SLC5A10: variants seen among roughly 807,000 people sequenced by gnomAD.
SLC5A10 encodes solute carrier family 5 member 10.
Under a neutral mutation model 68.9 loss-of-function variants are expected in SLC5A10, and 55 were observed. The observed-to-expected ratio is 0.80, with a 90% CI of 0.64 to 1.00. SLC5A10 has a LOEUF of 1.00. SLC5A10 is among the 50% of genes least tolerant of loss of function. The pLI, the probability that SLC5A10 is intolerant of heterozygous loss-of-function variation, is 0.00. For missense variants in SLC5A10, 732 were observed against 819.3 expected (o/e 0.89, Z 1.30); for synonymous variants, 344 against 344.8 (o/e 1.00, Z 0.02).
chr17:18,952,423 G>A lies in SLC5A10; in HGVS notation c.111+107G>A, dbSNP rs1214581310. On this transcript the variant is annotated intron_variant, in intron 1 of 14. Coordinates refer to ENST00000395645, the MANE Select transcript of SLC5A10 (RefSeq NM_001042450.4). ...TGTGGTGTCAGCATTGGTCCCAGCT[G>A]GTGGCCTAGTGATCCTTGTGGTCCT... The A allele has an allele frequency of 4.4e-6, 6 of 1,373,772 alleles. No individual in the cohort carries two copies. In the African/African-American group the frequency reaches 8.6e-5, roughly 20 times the overall value. The allele number at this position is 1,373,772 out of a possible 1,614,324, so 85.1% of individuals were successfully genotyped here.
chr17:19,006,475 G>T (rs1432576128), intron 9 of SLC5A10, among the ~76,000 whole-genome samples: 1 of 148,666 alleles, frequency 6.7e-6, no homozygotes. Flanking sequence ...CTGGCCTCAA[G>T]TGATTCTCCC....
At chr17:18,978,335 A>T in intron 9 of SLC5A10, 1 of 1,605,810 alleles carries the variant, frequency 6.2e-7, no homozygotes, top group Non-Finnish European at 8.5e-7. Context: ...GATGCGGTTC[A>T]TCTGGCTGGG....
chr17:19,011,311 T>G (rs1383171460), intron 9 of SLC5A10, among the ~76,000 whole-genome samples: 1 of 152,070 alleles, frequency 6.6e-6, no homozygotes, highest in Non-Finnish European at 1.5e-5. Flanking sequence ...TGGGTGGGTG[T>G]TAGACGGACA....
intron 9 of SLC5A10, among the ~76,000 whole-genome samples, chr17:18,981,781 G>T (rs1187797908): frequency 6.6e-6 from 1 of 151,788 alleles, no homozygotes; most frequent in African/African-American, 2.4e-5. Context: ...CCCCCACCCC[G>T]CAGGCTGCAG....
intron 1 of SLC5A10, among the ~76,000 whole-genome samples, chr17:18,956,986 A>G (rs1472737573): frequency 1.3e-5 from 2 of 152,014 alleles, no homozygotes; most frequent in Non-Finnish European, 2.9e-5. Context: ...CCCTCCTACT[A>G]AAAACACAAA....
At position 18,988,237 on chromosome 17, in the gene SLC5A10, G is replaced by C. The variant is rs1378871877; in HGVS notation, c.982+11248G>C. 1.9e-6 allele frequency: 3 copies of C among 1,605,014 alleles called. No homozygotes were observed. In the South Asian group the frequency reaches 3.3e-5, roughly 18 times the overall value. ...CTCCAGCCACCCAGGCAAGTGAGGA[G>C]CCTGCTCACCTTGAGGTGCCCCAGG... On this transcript the variant is annotated intron_variant, in intron 9 of 14. Transcript: ENST00000395645.
intron 1 of SLC5A10, among the ~76,000 whole-genome samples, chr17:18,955,613 T>A (rs898745609): frequency 6.6e-6 from 1 of 152,268 alleles, no homozygotes; most frequent in Non-Finnish European, 1.5e-5. Context: ...TAAACATAGA[T>A]GCTTTGGAGT....
chr17:18,960,456 G>A (rs938825283), intron 4 of SLC5A10, 92 bp from the exon 5 acceptor site: 9 of 1,076,822 alleles, frequency 8.4e-6, no homozygotes, highest in East Asian at 2.5e-5. Context: ...GCTTTGTGGC[G>A]GGGGGAGAGG....
intron 4 of SLC5A10, among the ~76,000 whole-genome samples, chr17:18,960,284 C>A (rs2042585592): frequency 6.6e-6 from 1 of 152,190 alleles, no homozygotes; most frequent in South Asian, 2.1e-4. Context: ...CCCTCCAATC[C>A]ATTCCTCGTC....
At chr17:19,019,322 C>G in intron 11 of SLC5A10, 101 bp from the exon 12 acceptor site, 2 of 1,406,892 alleles carry the variant, frequency 1.4e-6, no homozygotes, top group Non-Finnish European at 1.9e-6. Flanking sequence ...GCTGGGGTAG[C>G]AGGGGAAAGA....
At position 18,971,054 on chromosome 17, in the gene SLC5A10, T is replaced by C; in HGVS notation, c.682T>C (p.Tyr228His). The change falls in exon 8 of 15, where the codon TAC (tyrosine) becomes CAC (histidine). Residue 228 changes from tyrosine to histidine, a missense_variant. Tyr to His is a moderately conservative substitution (Grantham distance 83). Coordinates refer to ENST00000395645, the MANE Select transcript of SLC5A10 (RefSeq NM_001042450.4). The surrounding 1 kb of genome is among the most constrained non-coding windows in gnomAD (Gnocchi z 5.5). ...TGGTTACGGGCAGCTGGAGGCAGCC[T>C]ACGCCCAGGCCATTCCCTCCAGGAC... ...IGGYGQLEAAYAQAIPSRTIA... is the reference protein window; with the variant it reads ...IGGYGQLEAAHAQAIPSRTIA... The C allele has an allele frequency of 6.2e-7, 1 of 1,613,998 alleles. No individual in the cohort carries two copies. The highest frequency in any genetic ancestry group is 1.3e-5 in the African/African-American group (1 of 75,042).
At chr17:18,964,107 A>AC (rs2042665182) in intron 5 of SLC5A10, among the ~76,000 whole-genome samples, 1 of 149,752 alleles carries the variant, frequency 6.7e-6, no homozygotes, top group Non-Finnish European at 1.5e-5. Flanking sequence ...CTCCATCTTC[A>AC]CCCCCATCCC....
In SLC5A10 at chr17:18,971,512, G is replaced by C. The variant is rs1330671898; in HGVS notation, c.846+294G>C. 6 of 1,613,950 alleles carry C rather than the reference G, an allele frequency of 3.7e-6. No individual in the cohort carries two copies. The highest frequency in any genetic ancestry group is 5.1e-6 in the Non-Finnish European group (6 of 1,180,044). On this transcript the variant is annotated intron_variant, in intron 8 of 14. Transcript: ENST00000395645. The surrounding 1 kb of genome is among the most constrained non-coding windows in gnomAD (Gnocchi z 5.5). The stretch of plus-strand genomic sequence containing the variant: ...GACTCGGATGCTCCTCGGTGGCCCT[G>C]CCATCGGTCATGGGGCGGGCATTTT...
rs2043585373 is a variant in SLC5A10, at chr17:18,996,962, C to G, written c.983-16448C>G. ...GGCCCATGGCGGGTCACTTCCCACT[C>G]TAAGCCTCAGCTTCTCTTCTTGGTA... On this transcript the variant is annotated intron_variant, in intron 9 of 14. Coordinates refer to ENST00000395645, the MANE Select transcript of SLC5A10 (RefSeq NM_001042450.4). The surrounding 1 kb of genome is among the most constrained non-coding windows in gnomAD (Gnocchi z 4.4). Among the ~76,000 whole-genome samples, 2 of 152,268 alleles carry G rather than the reference C, an allele frequency of 1.3e-5. No homozygotes were observed. The highest frequency in any genetic ancestry group is 4.8e-5 in the African/African-American group (2 of 41,476).
intron 9 of SLC5A10, among the ~76,000 whole-genome samples, chr17:18,991,992 CT>C (rs1460825165): frequency 6.6e-6 from 1 of 152,150 alleles, no homozygotes; most frequent in Non-Finnish European, 1.5e-5. Flanking sequence ...GCAGGCTGCA[CT>C]GGAGGGAAAC....
rs1567782593 is a variant in SLC5A10 at position 18,968,575 on chromosome 17, T to C, written c.454-477T>C. On this transcript the variant is annotated intron_variant, in intron 5 of 14. Transcript: ENST00000395645. The surrounding 1 kb of genome is among the most constrained non-coding windows in gnomAD (Gnocchi z 4.1). The stretch of plus-strand genomic sequence containing the variant: ...CTTCAGTTCCAAACCCACTGGGGGG[T>C]GGGGGCAGGAAGCAAGGCTGCCCCT... 6.6e-6 allele frequency among the ~76,000 whole-genome samples: 1 copy of C among 151,960 alleles called. No individual in the cohort carries two copies. The highest frequency in any genetic ancestry group is 1.5e-5 in the Non-Finnish European group (1 of 67,980).
chr17:19,021,143 A>G lies in SLC5A10; in HGVS notation c.*712A>G, dbSNP rs1351438942. 6.6e-6 allele frequency: 1 copy of G among 152,128 alleles called. No homozygotes were observed. Among genetic ancestry groups the G allele is most frequent in the Non-Finnish European group, 1.5e-5 (1 of 68,036 alleles). 9.4% of individuals were successfully genotyped at this position (152,128 alleles called of 1,614,324 possible). On this transcript the variant is annotated 3_prime_UTR_variant, in exon 15 of 15. Transcript: ENST00000395645. The surrounding 1 kb of genome is among the most constrained non-coding windows in gnomAD (Gnocchi z 4.1). The stretch of plus-strand genomic sequence containing the variant: ...TCTCTAAAACCTAGCTCTGGCCCCA[A>G]CTTTCTGTCTGCCCTGGAGGTTTCT...
At chr17:19,013,924 A>C (rs2472708) in intron 10 of SLC5A10, among the ~76,000 whole-genome samples, 1 of 151,886 alleles carries the variant, frequency 6.6e-6, no homozygotes, top group Non-Finnish European at 1.5e-5. Flanking sequence ...AAGTTCATCC[A>C]TCTCCATGAG....
chr17:19,006,123 C>T (rs2043883172), intron 9 of SLC5A10, among the ~76,000 whole-genome samples: 1 of 152,210 alleles, frequency 6.6e-6, no homozygotes, highest in African/African-American at 2.4e-5. Context: ...AGGTTGTATG[C>T]ACCCAGTTTT....
Sources: gnomAD v4.1 joint callset for allele counts (sites outside exome capture counted in the v4.1 genomes callset) on GRCh38, gnomAD v4.1.1 for gene constraint, Gnocchi (gnomAD v3.1) non-coding constraint, MANE v1.5 for transcripts, NCBI Gene and HGNC (gene_info 2026-07-23, HGNC 2026-07-21) for gene names.